Variants in RSPH4A observed in about 807,000 individuals in gnomAD.
RSPH4A encodes radial spoke head protein 4 homolog A.
Under a neutral mutation model 71.0 loss-of-function variants are expected in RSPH4A, and 47 were observed. The ratio of observed to expected loss-of-function variants is 0.66; its 90% confidence interval spans 0.52 to 0.84. The LOEUF (loss-of-function observed/expected upper bound fraction) is 0.84. RSPH4A is among the 40% of genes least tolerant of loss of function. The pLI is 0.00. For synonymous variants in RSPH4A, 282 were observed against 302.3 expected (o/e 0.93, Z 0.70); for missense variants, 793 against 855.2 (o/e 0.93, Z 0.91).
At chr6:116,623,546 GT>G (rs1019710699) in intron 2 of RSPH4A, among the ~76,000 whole-genome samples, 1 of 151,548 alleles carries the variant, frequency 6.6e-6, no homozygotes, top group African/African-American at 2.4e-5. Flanking sequence ...ATTGTTATAT[GT>G]TTGTATGCTA....
intron 2 of RSPH4A, 29 bp from the exon 3 acceptor site, chr6:116,627,583 CATTTGTCTTATTGATAA>C: frequency 7.4e-7 from 1 of 1,356,818 alleles, no homozygotes; most frequent in Non-Finnish European, 1.1e-6. Context: ...GGGAAGCAAG[CATTTGTCTTATTGATAA>C]ATTTTAACCA....
intron 1 of RSPH4A, 74 bp from the exon 2 acceptor site, chr6:116,622,694 G>T (rs1346288053): frequency 2.0e-6 from 2 of 987,086 alleles, no homozygotes; most frequent in East Asian, 2.4e-5. Flanking sequence ...AATGACCCCA[G>T]AAATGTCAAA....
intron 1 of RSPH4A, among the ~76,000 whole-genome samples, chr6:116,621,931 T>G (rs999129074): frequency 1.1e-4 from 17 of 152,212 alleles, no homozygotes; most frequent in African/African-American, 3.6e-4. Context: ...TAAAATTCAC[T>G]TTGTAATTCT....
Position 116,627,743 on chromosome 6 carries a change from G to GC in RSPH4A, c.1036_1037insC (p.Asp346AlafsTer25). ...ATTTCTTGCCCTCAAGCAGCTTACT[G>GC]ATACCCACCCAATCCAAAGATGCCG... is the stretch of plus-strand genomic sequence containing the variant. On this transcript the variant is annotated frameshift_variant, in exon 3 of 6. Transcript: ENST00000229554. LOFTEE classifies it high-confidence loss of function. The GC allele has an allele frequency of 6.2e-7, 1 of 1,614,148 alleles. No homozygotes were observed. The highest frequency in any genetic ancestry group is 8.5e-7 in the Non-Finnish European group (1 of 1,180,020).
Position 116,627,714 on chromosome 6 carries a change from G to A in RSPH4A, c.1007G>A (p.Arg336His), listed in dbSNP as rs768472522. The change falls in exon 3 of 6, where the codon CGC becomes CAC. Residue 336 changes from arginine (R) to histidine (H), a missense_variant. Transcript: ENST00000229554. ...GGTTTGGGCACAGATGAGACATACC[G>A]CATATTTCTTGCCCTCAAGCAGCTT... ...GVGLGTDETY[R>H]IFLALKQLTD... 1.2e-5 allele frequency: 19 copies of A among 1,613,938 alleles called. No individual in the cohort carries two copies. The highest frequency in any genetic ancestry group is 2.2e-5 in the South Asian group (2 of 91,088).
chr6:116,617,134 G>C lies in RSPH4A; in HGVS notation c.511G>C (p.Ala171Pro), dbSNP rs761222226. The C allele has an allele frequency of 1.9e-6, 3 of 1,614,068 alleles. No individual in the cohort carries two copies. In the Admixed American group the frequency reaches 5.0e-5, roughly 27 times the overall value. ...CGRRDVSYNN[A>P]KQKELRFDVF... ...ACGAAGGGACGTGAGCTATAACAAC[G>C]CTAAACAGAAAGAGCTGAGATTTGA... Residue 171 changes from alanine to proline, a missense_variant, in exon 1 of 6, where the codon GCT becomes CCT. By Grantham distance (27) the Ala-to-Pro change is conservative. Transcript: ENST00000229554.
intron 1 of RSPH4A, 43 bp from the exon 2 acceptor site, chr6:116,622,725 C>A (rs1775629417): frequency 2.4e-6 from 3 of 1,227,182 alleles, no homozygotes; most frequent in Admixed American, 1.7e-5. Context: ...TCTTCAAATG[C>A]TCTTGACATG....
At chr6:116,627,574 G>A in intron 2 of RSPH4A, 55 bp from the exon 3 acceptor site, 2 of 1,284,624 alleles carry the variant, frequency 1.6e-6, no homozygotes, top group Non-Finnish European at 2.3e-6. Context: ...AAAAGACAAG[G>A]GAAGCAAGCA....
At position 116,632,354 on chromosome 6, in the gene RSPH4A, T is replaced by A. The variant is rs1280444205; in HGVS notation, c.2064T>A (p.Ala688=). Residue 688 remains alanine, a synonymous_variant, in exon 6 of 6, where the codon GCT becomes GCA. Coordinates refer to ENST00000229554, the MANE Select transcript of RSPH4A (RefSeq NM_001010892.3). ...ATCCTAGTGTGGAGGAGGAGCAGGCTTTCAGGGCTGCACAAGAAGCAGTTC... is the reference window on the plus strand; with the variant it reads ...ATCCTAGTGTGGAGGAGGAGCAGGCATTCAGGGCTGCACAAGAAGCAGTTC... The part of the protein sequence containing the change: ...MDDPSVEEEQ[A]FRAAQEAVLL... 1 of 1,614,072 alleles carries A rather than the reference T, an allele frequency of 6.2e-7. No homozygotes were observed.
rs201899176 is a variant in RSPH4A, at chr6:116,627,971, A to G, written c.1264A>G (p.Ser422Gly). The G allele has an allele frequency of 5.0e-5, 80 of 1,614,098 alleles. No individual in the cohort carries two copies. Among genetic ancestry groups the G allele is most frequent in the Non-Finnish European group, 3.9e-5 (46 of 1,180,040 alleles). The change falls in exon 3 of 6, where the codon AGT becomes GGT. Residue 422 changes from serine (S) to glycine (G), a missense_variant. Transcript: ENST00000229554. ...KAPQAIPKEESRTGANKYVYF... is the reference protein window; with the variant it reads ...KAPQAIPKEEGRTGANKYVYF... ...CCCACAGGCTATACCAAAAGAAGAA[A>G]GTAGAACAGGTGCCAACAAATATGT...
chr6:116,623,285 C>T (rs907897024), intron 2 of RSPH4A, among the ~76,000 whole-genome samples: 2 of 152,058 alleles, frequency 1.3e-5, no homozygotes, highest in Non-Finnish European at 2.9e-5. Flanking sequence ...GGGGTTTCGC[C>T]GTATTGGCCA....
At chr6:116,624,205 A>G (rs1420903953) in intron 2 of RSPH4A, among the ~76,000 whole-genome samples, 1 of 152,246 alleles carries the variant, frequency 6.6e-6, no homozygotes, top group African/African-American at 2.4e-5. Context: ...CTGATGCAGT[A>G]AGACCTGTAG....
intron 1 of RSPH4A, among the ~76,000 whole-genome samples, chr6:116,618,835 C>G (rs930705272): frequency 5.3e-5 from 8 of 152,192 alleles, no homozygotes; most frequent in Non-Finnish European, 8.8e-5. Context: ...GTTGAGGGCT[C>G]AATCCCACAA....
chr6:116,627,733 G>A lies in RSPH4A; in HGVS notation c.1026G>A (p.Lys342=). 1 of 1,614,190 alleles carries A rather than the reference G, an allele frequency of 6.2e-7. No homozygotes were observed. The highest frequency in any genetic ancestry group is 8.5e-7 in the Non-Finnish European group (1 of 1,180,030). Residue 342 remains lysine (K), a synonymous_variant, in exon 3 of 6, where the codon AAG becomes AAA. Coordinates refer to ENST00000229554, the MANE Select transcript of RSPH4A (RefSeq NM_001010892.3). ...CATACCGCATATTTCTTGCCCTCAA[G>A]CAGCTTACTGATACCCACCCAATCC... The part of the protein sequence containing the change: ...DETYRIFLAL[K]QLTDTHPIQR...
chr6:116,621,606 A>T (rs1005389440), intron 1 of RSPH4A, among the ~76,000 whole-genome samples: 2 of 152,218 alleles, frequency 1.3e-5, no homozygotes, highest in African/African-American at 4.8e-5. Flanking sequence ...GAACTGGGGA[A>T]GGATGATTTT....
intron 2 of RSPH4A, among the ~76,000 whole-genome samples, chr6:116,624,899 G>T (rs939745340): frequency 9.9e-5 from 15 of 152,158 alleles, no homozygotes; most frequent in Admixed American, 8.5e-4. Context: ...AGGCAAAAAA[G>T]ACTGGAAAGC....
At position 116,632,432 on chromosome 6, in the gene RSPH4A, T is replaced by C. The variant is rs1775821762; in HGVS notation, c.2142T>C (p.Asp714=). Residue 714 remains aspartate, a synonymous_variant, in exon 6 of 6, where the codon GAT becomes GAC. Transcript: ENST00000229554. Reference sequence around the variant, plus strand: ...AGGAAGATGAAGATGAGGAAGATGATTATGACTAATAAACATAAAATTAGC... The same window carrying C: ...AGGAAGATGAAGATGAGGAAGATGACTATGACTAATAAACATAAAATTAGC... ...ESEEDEDEED[D]YD is the part of the protein sequence containing the mutation. 1 of 1,611,930 alleles carries C rather than the reference T, an allele frequency of 6.2e-7. No individual in the cohort carries two copies. Among genetic ancestry groups the C allele is most frequent in the South Asian group, 1.1e-5 (1 of 90,528 alleles).
rs1383075387 is a variant in RSPH4A at position 116,624,550 on chromosome 6, A to G, written c.921+1548A>G. On this transcript the variant is annotated intron_variant, in intron 2 of 5. Coordinates refer to ENST00000229554, the MANE Select transcript of RSPH4A (RefSeq NM_001010892.3). Reference sequence around the variant, plus strand: ...ATTCCATACATCTTCCTAATAAGGGATAAGATTGACTTTAAAGCCTGGAAC... The same window carrying G: ...ATTCCATACATCTTCCTAATAAGGGGTAAGATTGACTTTAAAGCCTGGAAC... Among the ~76,000 whole-genome samples, 3 of 152,186 alleles carry G rather than the reference A, an allele frequency of 2.0e-5. No homozygotes were observed. The East Asian group carries it at 5.8e-4, about 29-fold the overall frequency.
At chr6:116,622,682 C>T in intron 1 of RSPH4A, 86 bp from the exon 2 acceptor site, 2 of 872,392 alleles carry the variant, frequency 2.3e-6, no homozygotes, top group Non-Finnish European at 3.8e-6. Context: ...CTATATTTAT[C>T]TAATGACCCC....
Sources: allele counts gnomAD v4.1 joint callset (sites outside exome capture counted in the v4.1 genomes callset), GRCh38; gene constraint gnomAD v4.1.1; transcripts MANE v1.5; gene names NCBI Gene and HGNC (gene_info 2026-07-23, HGNC 2026-07-21).